Variants in RALYL observed in about 807,000 individuals in gnomAD.
RALYL encodes RALY RNA binding protein like, also known as RNA-binding Raly-like protein.
RALYL carries 29 observed loss-of-function variants against 35.1 expected under a neutral mutation model. The observed-to-expected ratio is 0.83, with a 90% CI of 0.61 to 1.13. The LOEUF is 1.13. RALYL is among the 50% of genes most tolerant of loss of function. The pLI is 0.00. For synonymous variants in RALYL, 120 were observed against 127.6 expected (o/e 0.94, Z 0.40); for missense variants, 359 against 360.4 (o/e 1.00, Z 0.03).
At chr8:84,256,668 T>A (rs1831270251) in intron 1 of RALYL, among the ~76,000 whole-genome samples, 1 of 152,134 alleles carries the variant, frequency 6.6e-6, no homozygotes, top group Non-Finnish European at 1.5e-5. Context: ...TTTCAACAAA[T>A]GAGTTAACCT....
intron 1 of RALYL, among the ~76,000 whole-genome samples, chr8:84,276,666 T>A (rs1418606997): frequency 1.3e-5 from 2 of 152,102 alleles, no homozygotes; most frequent in Non-Finnish European, 2.9e-5. Context: ...AACAGTGAGA[T>A]GAAAAGGAAT....
chr8:84,684,392 A>T (rs1273029237), intron 2 of RALYL, among the ~76,000 whole-genome samples: 1 of 152,308 alleles, frequency 6.6e-6, no homozygotes, highest in East Asian at 1.9e-4. Context: ...ATATAAACAG[A>T]TATGCCCAAG....
At chr8:84,192,086 A>T (rs184789668) in intron 1 of RALYL, among the ~76,000 whole-genome samples, 39 of 152,326 alleles carry the variant, frequency 2.6e-4, no homozygotes, top group African/African-American at 6.0e-4. Context: ...AGACAACCTG[A>T]CACTATGAGC....
At chr8:84,399,359 T>C (rs967415718) in intron 1 of RALYL, among the ~76,000 whole-genome samples, 2 of 152,210 alleles carry the variant, frequency 1.3e-5, no homozygotes, top group Admixed American at 6.5e-5. Context: ...AATCCCTCTG[T>C]AGGACATCAG....
At chr8:84,802,790 G>C (rs1375930213) in intron 3 of RALYL, among the ~76,000 whole-genome samples, 2 of 152,146 alleles carry the variant, frequency 1.3e-5, no homozygotes, top group African/African-American at 4.8e-5. Flanking sequence ...AGCATTGATG[G>C]AAGCTTAGTG....
chr8:84,723,033 C>A (rs1315883511), intron 2 of RALYL, among the ~76,000 whole-genome samples: 5 of 151,856 alleles, frequency 3.3e-5, no homozygotes, highest in African/African-American at 4.8e-5. Context: ...CAATATTTTT[C>A]ATTATATCCT....
chr8:84,631,343 G>T (rs1823865821), intron 2 of RALYL, among the ~76,000 whole-genome samples: 1 of 151,918 alleles, frequency 6.6e-6, no homozygotes, highest in Admixed American at 6.6e-5. Context: ...TCATATTTGA[G>T]TTCTGACTTG....
At chr8:84,401,706 T>C (rs1006384947) in intron 1 of RALYL, among the ~76,000 whole-genome samples, 6 of 150,318 alleles carry the variant, frequency 4.0e-5, no homozygotes, top group Non-Finnish European at 7.4e-5. Context: ...GTTAGGGATA[T>C]TGTTAAACAT....
At chr8:84,344,677 C>T (rs1452671382) in intron 1 of RALYL, among the ~76,000 whole-genome samples, 2 of 152,070 alleles carry the variant, frequency 1.3e-5, no homozygotes, top group East Asian at 1.9e-4. Flanking sequence ...TCAATTGCAA[C>T]TTTCCACCCT....
intron 2 of RALYL, among the ~76,000 whole-genome samples, chr8:84,737,781 G>T (rs188429891): frequency 6.6e-6 from 1 of 151,908 alleles, no homozygotes; most frequent in Admixed American, 6.6e-5. Context: ...AAAAAAAGAG[G>T]CTCCACAGAG....
At chr8:84,403,539 T>TTG (rs2043153650) in intron 1 of RALYL, among the ~76,000 whole-genome samples, 1 of 134,644 alleles carries the variant, frequency 7.4e-6, no homozygotes, top group Non-Finnish European at 1.5e-5. Context: ...TTTTTTTTTT[T>TTG]TTTTTTTTTT....
chr8:84,539,866 A>ATATATATATG (rs2059893130), intron 2 of RALYL, among the ~76,000 whole-genome samples: 1 of 6,440 alleles, frequency 1.6e-4, no homozygotes, highest in Admixed American at 1.8e-3. Flanking sequence ...ATATATATAT[A>ATATATATATG]TATATATATA....
At chr8:84,838,066 C>T (rs1395420061) in intron 4 of RALYL, among the ~76,000 whole-genome samples, 1 of 152,146 alleles carries the variant, frequency 6.6e-6, no homozygotes, top group Admixed American at 6.5e-5. Context: ...CAAAATAGAT[C>T]ATCCCATAAG....
At chr8:84,894,195 C>T (rs999885144) in intron 8 of RALYL, among the ~76,000 whole-genome samples, 1 of 152,118 alleles carries the variant, frequency 6.6e-6, no homozygotes, top group East Asian at 1.9e-4. Flanking sequence ...CTTTTTGAGA[C>T]TTTTTGTTTC....
intron 1 of RALYL, among the ~76,000 whole-genome samples, chr8:84,477,980 A>G (rs865958580): frequency 1.3e-5 from 2 of 152,120 alleles, no homozygotes; most frequent in African/African-American, 4.8e-5. Context: ...TAACCAAAAT[A>G]CTTGTTGAAT....
intron 2 of RALYL, among the ~76,000 whole-genome samples, chr8:84,635,848 CT>C (rs942870423): frequency 1.3e-5 from 2 of 151,726 alleles, no homozygotes; most frequent in African/African-American, 4.8e-5. Flanking sequence ...CTGAGCTCAG[CT>C]TTCTCATTTT....
intron 7 of RALYL, among the ~76,000 whole-genome samples, chr8:84,882,618 C>T (rs1381542806): frequency 6.6e-6 from 1 of 151,946 alleles, no homozygotes; most frequent in East Asian, 1.9e-4. Flanking sequence ...ATATATTCAG[C>T]AAACACTTAA....
At chr8:84,615,570 C>CTT (rs60428128) in intron 2 of RALYL, among the ~76,000 whole-genome samples, 855 of 67,304 alleles carry the variant, frequency 0.013, 23 homozygotes, top group Non-Finnish European at 0.016. Context: ...GAACTTTCGT[C>CTT]TTTTTTTTTT....
intron 1 of RALYL, among the ~76,000 whole-genome samples, chr8:84,261,187 A>G (rs1043787541): frequency 6.6e-6 from 1 of 152,108 alleles, no homozygotes; most frequent in African/African-American, 2.4e-5. Context: ...TCCTTTAAAA[A>G]TATCTGATTT....
Sources: allele counts gnomAD v4.1 joint callset (sites outside exome capture counted in the v4.1 genomes callset), GRCh38; gene constraint gnomAD v4.1.1; transcripts MANE v1.5; gene names NCBI Gene and HGNC (gene_info 2026-07-23, HGNC 2026-07-21).